Variants in WDR59 observed in about 807,000 individuals in gnomAD.
The protein encoded by WDR59 is WD repeat domain 59.
WDR59 carries 100 observed loss-of-function variants against 131.2 expected under a neutral mutation model. That is an observed-to-expected ratio of 0.76 (90% CI 0.65 to 0.90). The LOEUF is 0.90. Ranked by LOEUF, WDR59 falls within the 40% of genes least tolerant of loss-of-function variation. The probability of loss-of-function intolerance (pLI) is 0.00; values close to 1 mark genes in which losing one functional copy is unlikely to be tolerated. For missense variants in WDR59, 1,203 were observed against 1,262.2 expected, an observed-to-expected ratio of 0.95 and a Z score of 0.71; for synonymous variants, 601 against 466.2, an observed-to-expected ratio of 1.29 and a Z score of -3.72.
rs574929605 is a variant in WDR59 at position 74,937,852 on chromosome 16, G to A, written c.651+298C>T. 2.6e-5 allele frequency among the ~76,000 whole-genome samples: 4 copies of A among 152,260 alleles called. No individual in the cohort carries two copies. The South Asian group carries it at 6.2e-4, about 24-fold the overall frequency. ...TTGTCTCTGACTTCCTTTCACAAAG[G>A]GAAAGACGAAAACCTTCTGAACAAA... On this transcript the variant is annotated intron_variant, in intron 8 of 25. Transcript: ENST00000262144.
In WDR59 at chr16:74,985,081, C is replaced by T. The variant is rs1273596088; in HGVS notation, c.-64G>A. 5 of 1,467,132 alleles carry T rather than the reference C, an allele frequency of 3.4e-6. No individual in the cohort carries two copies. Among genetic ancestry groups the T allele is most frequent in the African/African-American group, 2.8e-5 (2 of 71,290 alleles). The allele number at this position is 1,467,132 out of a possible 1,614,324, so 90.9% of individuals were successfully genotyped here. ...TCCCACCCCGCCGTCCCCAGTATCCCGGGACCGTGCGCCCCACACAGCCAG... is the reference window on the plus strand; with the variant it reads ...TCCCACCCCGCCGTCCCCAGTATCCTGGGACCGTGCGCCCCACACAGCCAG... On this transcript the variant is annotated 5_prime_UTR_variant, in exon 1 of 26. Coordinates refer to ENST00000262144, the MANE Select transcript of WDR59 (RefSeq NM_030581.4).
At chr16:74,932,582 C>T (rs555297844) in intron 8 of WDR59, among the ~76,000 whole-genome samples, 14 of 152,156 alleles carry the variant, frequency 9.2e-5, no homozygotes, top group African/African-American at 2.6e-4. Context: ...TCAACCTCCT[C>T]GGCTCCAACA....
chr16:74,984,939 G>A, intron 1 of WDR59, 25 bp downstream of exon 1: 1 of 1,600,830 alleles, frequency 6.2e-7, no homozygotes, highest in African/African-American at 1.3e-5. Context: ...CATGCCCAGA[G>A]GGCTCCACTC....
chr16:74,905,859 G>A (rs752388596), intron 17 of WDR59, among the ~76,000 whole-genome samples: 1 of 152,006 alleles, frequency 6.6e-6, no homozygotes, highest in African/African-American at 2.4e-5. Flanking sequence ...CAAAGAATTT[G>A]CAACCAAAAT....
intron 18 of WDR59, among the ~76,000 whole-genome samples, chr16:74,900,020 G>A (rs1965474702): frequency 6.6e-6 from 1 of 152,070 alleles, no homozygotes; most frequent in African/African-American, 2.4e-5. Context: ...CAAGGTATAT[G>A]GAGGCTGACA....
intron 8 of WDR59, among the ~76,000 whole-genome samples, chr16:74,935,898 G>A (rs2031759647): frequency 6.6e-6 from 1 of 151,836 alleles, no homozygotes; most frequent in South Asian, 2.1e-4. Flanking sequence ...TCAGGAGGCT[G>A]AGGCAGGAGA....
At chr16:74,946,463 T>A (rs1460535700) in intron 6 of WDR59, among the ~76,000 whole-genome samples, 2 of 152,138 alleles carry the variant, frequency 1.3e-5, no homozygotes, top group Non-Finnish European at 2.9e-5. Context: ...GGCTCCCGCC[T>A]ATAATCCCAA....
intron 4 of WDR59, among the ~76,000 whole-genome samples, chr16:74,950,928 G>C (rs1378658302): frequency 6.6e-6 from 1 of 151,732 alleles, no homozygotes; most frequent in Non-Finnish European, 1.5e-5. Flanking sequence ...GGCCAAGGCA[G>C]GTGGGTCACT....
chr16:74,924,097 C>T, intron 8 of WDR59, 94 bp from the exon 9 acceptor site: 1 of 1,225,510 alleles, frequency 8.2e-7, no homozygotes, highest in African/African-American at 1.5e-5. Context: ...GCTTCTGGTC[C>T]TCTAAAGATA....
chr16:74,892,245 G>C (rs1230124063), intron 20 of WDR59, among the ~76,000 whole-genome samples: 1 of 152,120 alleles, frequency 6.6e-6, no homozygotes, highest in African/African-American at 2.4e-5. Flanking sequence ...GAACAGAAAA[G>C]AGATGTATAA....
At chr16:74,935,554 T>A in intron 8 of WDR59, among the ~76,000 whole-genome samples, 1 of 151,876 alleles carries the variant, frequency 6.6e-6, no homozygotes, top group East Asian at 1.9e-4. Context: ...AATAAAAATA[T>A]AATAAAAATA....
In WDR59 at chr16:74,985,094, C is replaced by T. The variant is rs1364057746; in HGVS notation, c.-77G>A. Reference sequence around the variant, plus strand: ...TCCCCAGTATCCCGGGACCGTGCGCCCCACACAGCCAGAGAATCAGCCCCG... The same window carrying T: ...TCCCCAGTATCCCGGGACCGTGCGCTCCACACAGCCAGAGAATCAGCCCCG... On this transcript the variant is annotated 5_prime_UTR_variant, in exon 1 of 26. Transcript: ENST00000262144. 3 of 1,404,112 alleles carry T rather than the reference C, an allele frequency of 2.1e-6. No homozygotes were observed. The highest frequency in any genetic ancestry group is 3.0e-6 in the Non-Finnish European group (3 of 1,016,108). The allele number at this position is 1,404,112 out of a possible 1,614,324, so 87.0% of individuals were successfully genotyped here. A position where few individuals can be genotyped will look rare whatever the true frequency, so the allele number is the denominator to read the frequency against.
chr16:74,944,883 T>C (rs999578667), intron 6 of WDR59, among the ~76,000 whole-genome samples: 2 of 152,134 alleles, frequency 1.3e-5, no homozygotes, highest in Admixed American at 6.5e-5. Flanking sequence ...CCCAGCACTT[T>C]GGGAGGCCGA....
intron 3 of WDR59, 33 bp downstream of exon 3, chr16:74,956,442 C>T (rs1459543923): frequency 4.4e-6 from 7 of 1,604,628 alleles, no homozygotes; most frequent in Non-Finnish European, 6.0e-6. Flanking sequence ...ACACATTTAA[C>T]AGCATTCTCC....
intron 2 of WDR59, among the ~76,000 whole-genome samples, chr16:74,957,081 C>CTTTTTTTTT (rs34834142): frequency 8.1e-6 from 1 of 123,946 alleles, no homozygotes; most frequent in Non-Finnish European, 1.7e-5. Flanking sequence ...CTTTTTTTTT[C>CTTTTTTTTT]TTTTTTTTTT....
At chr16:74,958,211 G>C (rs1254946793) in intron 2 of WDR59, among the ~76,000 whole-genome samples, 1 of 151,992 alleles carries the variant, frequency 6.6e-6, no homozygotes, top group Admixed American at 6.6e-5. Flanking sequence ...ACTATAATAA[G>C]AGTAAAGAAG....
At chr16:74,952,660 A>G (rs1353681972) in intron 3 of WDR59, among the ~76,000 whole-genome samples, 1 of 151,646 alleles carries the variant, frequency 6.6e-6, no homozygotes, top group Non-Finnish European at 1.5e-5. Context: ...ATACACAACA[A>G]AACAGCAAAG....
intron 14 of WDR59, among the ~76,000 whole-genome samples, chr16:74,911,295 A>T (rs1056280351): frequency 6.6e-6 from 1 of 152,234 alleles, no homozygotes; most frequent in Non-Finnish European, 1.5e-5. Context: ...AACATGTCAA[A>T]TACCACAAGA....
chr16:74,969,060 T>G (rs2033880869), intron 1 of WDR59, among the ~76,000 whole-genome samples: 1 of 152,110 alleles, frequency 6.6e-6, no homozygotes, highest in Non-Finnish European at 1.5e-5. Context: ...ATTCTAGACG[T>G]GGGTTAAGAA....
Sources: allele counts gnomAD v4.1 joint callset (sites outside exome capture counted in the v4.1 genomes callset), GRCh38; gene constraint gnomAD v4.1.1; transcripts MANE v1.5; gene names NCBI Gene and HGNC (gene_info 2026-07-23, HGNC 2026-07-21).